The following INPP5F variants were observed in gnomAD, a reference collection of about 807,000 sequenced individuals.
INPP5F encodes the protein phosphatidylinositide 4-phosphatase SAC2.
INPP5F carries 97 observed loss-of-function variants against 137.2 expected under a neutral mutation model. That is an observed-to-expected ratio of 0.71 (90% CI 0.60 to 0.84). INPP5F has a LOEUF of 0.84. Ranked by LOEUF, INPP5F falls within the 40% of genes least tolerant of loss-of-function variation. The pLI is 0.00. For missense variants in INPP5F, 1,271 were observed against 1,371.9 expected (o/e 0.93, Z 1.16); for synonymous variants, 504 against 476.9 (o/e 1.06, Z -0.74).
chr10:119,757,953 C>T (rs1848899777), intron 2 of INPP5F, among the ~76,000 whole-genome samples: 1 of 152,222 alleles, frequency 6.6e-6, no homozygotes, highest in Admixed American at 6.5e-5. Context: ...TGCTGGCCCA[C>T]TGCAGGGCAA....
At position 119,738,494 on chromosome 10, in the gene INPP5F, A is replaced by C. The variant is rs550876026; in HGVS notation, c.97+12135A>C. Among the ~76,000 whole-genome samples the C allele has an allele frequency of 7.9e-5, 12 of 152,314 alleles. No homozygotes were observed. The South Asian group carries it at 2.1e-3, about 26-fold the overall frequency. On this transcript the variant is annotated intron_variant, in intron 1 of 19. Transcript: ENST00000650623. The stretch of plus-strand genomic sequence containing the variant: ...TGCCATTCCAGTGCCTTCTGCCCCC[A>C]GAGTAGCCATTAATATGATCAGTAG...
In INPP5F at chr10:119,757,921, G is replaced by C. The variant is rs186943979; in HGVS notation, c.178+6765G>C. ...CAGCAACTGGGGCCATGTCTATTCT[G>C]CTTACCTGCTGTGTCTCTGTGTGCT... On this transcript the variant is annotated intron_variant, in intron 2 of 19. Coordinates refer to ENST00000650623, the MANE Select transcript of INPP5F (RefSeq NM_014937.4). Among the ~76,000 whole-genome samples the C allele has an allele frequency of 1.1e-3, 172 of 152,182 alleles. 2 individuals carry two copies. The highest frequency in any genetic ancestry group is 3.8e-3 in the African/African-American group (159 of 41,512).
intron 15 of INPP5F, among the ~76,000 whole-genome samples, chr10:119,820,506 A>T (rs1007792779): frequency 5.3e-5 from 8 of 152,140 alleles, no homozygotes; most frequent in African/African-American, 1.7e-4. Context: ...ACTCTCACGT[A>T]TTTCTTTCTT....
At chr10:119,733,019 G>A (rs923154286) in intron 1 of INPP5F, among the ~76,000 whole-genome samples, 1 of 152,136 alleles carries the variant, frequency 6.6e-6, no homozygotes, top group Non-Finnish European at 1.5e-5. Flanking sequence ...CTAAAACCAG[G>A]TTTTCCTCAG....
chr10:119,822,015 TG>T (rs1851588439), intron 16 of INPP5F, among the ~76,000 whole-genome samples: 1 of 151,908 alleles, frequency 6.6e-6, no homozygotes, highest in African/African-American at 2.4e-5. Flanking sequence ...TTCAGCCTCC[TG>T]AGTAGCTGGG....
chr10:119,823,847 A>T lies in INPP5F; in HGVS notation c.2194A>T (p.Ile732Phe). Residue 732 changes from isoleucine to phenylalanine, a missense_variant, in exon 19 of 20, where the codon ATC (isoleucine) becomes TTC (phenylalanine). Physicochemically the swap from Ile to Phe is conservative, Grantham distance 21. Coordinates refer to ENST00000650623, the MANE Select transcript of INPP5F (RefSeq NM_014937.4). The part of the protein sequence containing the change: ...TLQCIAEMLQ[I>F]TKQAMGSDLP... ...TCAGTGCATTGCAGAGATGCTGCAG[A>T]TCACCAAGCAAGCCATGGGATCGGA... 6.2e-7 allele frequency: 1 copy of T among 1,614,126 alleles called. No homozygotes were observed. Among genetic ancestry groups the T allele is most frequent in the South Asian group, 1.1e-5 (1 of 91,082 alleles).
At chr10:119,732,252 G>T (rs1388773169) in intron 1 of INPP5F, among the ~76,000 whole-genome samples, 2 of 151,856 alleles carry the variant, frequency 1.3e-5, no homozygotes, top group East Asian at 1.9e-4. Flanking sequence ...GGCCACGCTG[G>T]TCTTGAACTT....
chr10:119,779,323 A>G (rs113213692), intron 2 of INPP5F, among the ~76,000 whole-genome samples: 3 of 152,168 alleles, frequency 2.0e-5, no homozygotes, highest in African/African-American at 4.8e-5. Context: ...GGCCTAGGAC[A>G]TTATCGTACA....
intron 2 of INPP5F, among the ~76,000 whole-genome samples, chr10:119,752,470 A>C (rs1848715569): frequency 6.6e-6 from 1 of 151,842 alleles, no homozygotes; most frequent in Non-Finnish European, 1.5e-5. Flanking sequence ...CTGTAATCCC[A>C]GCTATTCGGG....
intron 3 of INPP5F, among the ~76,000 whole-genome samples, chr10:119,790,657 C>T (rs1327194429): frequency 6.6e-6 from 1 of 152,106 alleles, no homozygotes; most frequent in East Asian, 1.9e-4. Context: ...ACTATTAGTT[C>T]TTATTAAGAG....
chr10:119,802,479 TA>T (rs1244480977), intron 9 of INPP5F, among the ~76,000 whole-genome samples: 1 of 152,166 alleles, frequency 6.6e-6, no homozygotes, highest in Non-Finnish European at 1.5e-5. Context: ...ATATACACAA[TA>T]AAAAACTCAA....
At chr10:119,774,333 A>T (rs776842653) in intron 2 of INPP5F, among the ~76,000 whole-genome samples, 1 of 150,944 alleles carries the variant, frequency 6.6e-6, no homozygotes, top group South Asian at 2.1e-4. Context: ...TTAAATTTCT[A>T]TATTAATTTG....
Position 119,827,637 on chromosome 10 carries a change from C to G in INPP5F, c.3256C>G (p.Gln1086Glu). ...SSMVQVASITQAGLTHGINFA... is the reference protein window; with the variant it reads ...SSMVQVASITEAGLTHGINFA... Reference sequence around the variant, plus strand: ...CATGGTCCAGGTTGCTAGTATTACCCAAGCTGGATTAACCCATGGGATAAA... The same window carrying G: ...CATGGTCCAGGTTGCTAGTATTACCGAAGCTGGATTAACCCATGGGATAAA... Residue 1086 changes from glutamine (Q) to glutamate (E), a missense_variant, in exon 20 of 20, where the codon CAA (glutamine) becomes GAA (glutamate). Gln to Glu is a conservative substitution (Grantham distance 29). Coordinates refer to ENST00000650623, the MANE Select transcript of INPP5F (RefSeq NM_014937.4). The G allele has an allele frequency of 6.2e-7, 1 of 1,614,162 alleles. No individual in the cohort carries two copies. The highest frequency in any genetic ancestry group is 8.5e-7 in the Non-Finnish European group (1 of 1,180,010).
Position 119,806,699 on chromosome 10 carries a change from C to T in INPP5F, c.1440+219C>T, listed in dbSNP as rs192070330. On this transcript the variant is annotated intron_variant, in intron 12 of 19. Transcript: ENST00000650623. ...TTAATCACTCATTTCAAAAATGTGA[C>T]GGCCAACATTTTAAAGTCCATTGGG... Among the ~76,000 whole-genome samples the T allele has an allele frequency of 6.6e-4, 101 of 152,176 alleles. 1 individual carries two copies. Among genetic ancestry groups the T allele is most frequent in the African/African-American group, 2.3e-3 (97 of 41,508 alleles).
In INPP5F at chr10:119,820,874, G is replaced by A. The variant is rs774837119; in HGVS notation, c.1915G>A (p.Asp639Asn). 6.2e-7 allele frequency: 1 copy of A among 1,612,088 alleles called. No individual in the cohort carries two copies. The highest frequency in any genetic ancestry group is 2.2e-5 in the East Asian group (1 of 44,860). The change falls in exon 16 of 20, where the codon GAT becomes AAT. Residue 639 changes from aspartate to asparagine, a missense_variant. Physicochemically the swap from Asp to Asn is conservative, Grantham distance 23 (BLOSUM62 1). Around this residue, in one of 6 missense-constraint regions of INPP5F, gnomAD observed 593 missense variants for 712.4 expected, o/e 0.83. Transcript: ENST00000650623. ...SLIDATHRDV[D>N]VLLLLSNSAY... Reference sequence around the variant, plus strand: ...CATTGATGCTACTCACAGAGACGTGGATGTGCTGTTACTGCTTTCTAACTC... The same window carrying A: ...CATTGATGCTACTCACAGAGACGTGAATGTGCTGTTACTGCTTTCTAACTC...
chr10:119,810,849 T>A (rs1016438326), intron 14 of INPP5F, among the ~76,000 whole-genome samples: 1 of 152,230 alleles, frequency 6.6e-6, no homozygotes, highest in Non-Finnish European at 1.5e-5. Context: ...AAATGTAACA[T>A]AGCTGACCTG....
At chr10:119,736,697 T>C (rs1848225287) in intron 1 of INPP5F, among the ~76,000 whole-genome samples, 1 of 152,230 alleles carries the variant, frequency 6.6e-6, no homozygotes, top group Non-Finnish European at 1.5e-5. Context: ...TTATGCTTCA[T>C]ATAGAGAATC....
At chr10:119,747,264 C>G (rs1301159534) in intron 1 of INPP5F, among the ~76,000 whole-genome samples, 2 of 151,802 alleles carry the variant, frequency 1.3e-5, no homozygotes, top group African/African-American at 2.4e-5. Context: ...TGCTCTGTCC[C>G]CCAGGCTGGA....
chr10:119,739,434 A>G (rs1589664845), intron 1 of INPP5F, among the ~76,000 whole-genome samples: 1 of 152,204 alleles, frequency 6.6e-6, no homozygotes. Flanking sequence ...TGGTATTCTT[A>G]TTACACGTCA....
Sources: gnomAD v4.1 joint callset for allele counts (sites outside exome capture counted in the v4.1 genomes callset) on GRCh38, gnomAD v4.1.1 for gene constraint, gnomAD v4.1.1 regional missense constraint, MANE v1.5 for transcripts, NCBI Gene and HGNC (gene_info 2026-07-23, HGNC 2026-07-21) for gene names.